The following CFAP221 variants were observed in gnomAD, a reference collection of about 807,000 sequenced individuals.
The protein encoded by CFAP221 is cilia and flagella associated protein 221.
CFAP221 carries 97 observed loss-of-function variants against 113.1 expected under a neutral mutation model. That is an observed-to-expected ratio of 0.86 (90% CI 0.73 to 1.02). The LOEUF (loss-of-function observed/expected upper bound fraction) is 1.02. Among genes scored for constraint, CFAP221 ranks in the 50% least tolerant of loss-of-function variants. The probability of loss-of-function intolerance (pLI) is 0.00; values close to 1 mark genes in which losing one functional copy is unlikely to be tolerated. For missense variants in CFAP221, 1,025 were observed against 1,013.4 expected (o/e 1.01, Z -0.16); for synonymous variants, 331 against 354.4 (o/e 0.93, Z 0.74).
At chr2:119,576,281 T>C (rs999756709) in intron 6 of CFAP221, among the ~76,000 whole-genome samples, 2 of 152,172 alleles carry the variant, frequency 1.3e-5, no homozygotes, top group Non-Finnish European at 2.9e-5. Flanking sequence ...ATTTTACAGA[T>C]CATTTCATTA....
intron 21 of CFAP221, among the ~76,000 whole-genome samples, chr2:119,640,074 A>T (rs1436913450): frequency 6.6e-6 from 1 of 152,244 alleles, no homozygotes; most frequent in Admixed American, 6.5e-5. Flanking sequence ...TTTGAAAAGT[A>T]ATGTCCTAGG....
chr2:119,625,875 A>G, intron 15 of CFAP221, 187 bp downstream of exon 15: 1 of 580,946 alleles, frequency 1.7e-6, no homozygotes, highest in Non-Finnish European at 3.1e-6. Context: ...AGACTAGGTT[A>G]GTCATCATTT....
chr2:119,608,466 T>C, intron 11 of CFAP221, 36 bp from the exon 12 acceptor site: 3 of 1,447,346 alleles, frequency 2.1e-6, no homozygotes, highest in Non-Finnish European at 9.3e-7. Flanking sequence ...GGTATTCTGA[T>C]GGGTTCTGGA....
chr2:119,592,858 T>TC (rs918086733), intron 7 of CFAP221, among the ~76,000 whole-genome samples: 2 of 152,234 alleles, frequency 1.3e-5, no homozygotes, highest in African/African-American at 4.8e-5. Context: ...GCTGAGTTGT[T>TC]CCCCACTGAA....
At chr2:119,589,973 G>T (rs1211173114) in intron 7 of CFAP221, 2 of 152,164 alleles carry the variant, frequency 1.3e-5, no homozygotes, top group Non-Finnish European at 2.9e-5. Context: ...CTGAAGAGAA[G>T]TATTGACCAA....
chr2:119,569,620 A>G (rs1008558298), intron 6 of CFAP221, among the ~76,000 whole-genome samples: 1 of 151,924 alleles, frequency 6.6e-6, no homozygotes, highest in Non-Finnish European at 1.5e-5. Context: ...CATTCCCATT[A>G]CATGTATAAT....
downstream of CFAP221, chr2:119,656,698 G>A (rs1193638513): frequency 5.6e-5 from 19 of 339,106 alleles, no homozygotes; most frequent in South Asian, 1.8e-4. Flanking sequence ...GTTTAGTGCC[G>A]GAATGCTTCT....
chr2:119,650,442 A>G (rs986628081), intron 22 of CFAP221, among the ~76,000 whole-genome samples: 1 of 152,214 alleles, frequency 6.6e-6, no homozygotes, highest in African/African-American at 2.4e-5. Flanking sequence ...CACTGGGGAG[A>G]TGTTCAGCAG....
chr2:119,567,078 A>AC (rs1368165822), intron 6 of CFAP221, among the ~76,000 whole-genome samples: 2 of 151,576 alleles, frequency 1.3e-5, no homozygotes, highest in Admixed American at 6.6e-5. Flanking sequence ...CTTATCAACA[A>AC]CCCCCACCCA....
chr2:119,550,805 G>A (rs1680366792), intron 3 of CFAP221, among the ~76,000 whole-genome samples: 1 of 152,110 alleles, frequency 6.6e-6, no homozygotes, highest in Admixed American at 6.5e-5. Context: ...AATTTTTAGT[G>A]TATTCTCAGA....
At chr2:119,589,150 C>T (rs1236295586) in intron 7 of CFAP221, among the ~76,000 whole-genome samples, 4 of 152,184 alleles carry the variant, frequency 2.6e-5, no homozygotes, top group African/African-American at 9.7e-5. Context: ...CCTTCAGCCT[C>T]CTCGGTAGCT....
chr2:119,599,416 T>G (rs995676051), intron 7 of CFAP221, among the ~76,000 whole-genome samples: 3 of 152,210 alleles, frequency 2.0e-5, no homozygotes, highest in Non-Finnish European at 4.4e-5. Context: ...CATTCACTCA[T>G]TCAACAAGAA....
intron 6 of CFAP221, among the ~76,000 whole-genome samples, chr2:119,582,480 G>A (rs1264515728): frequency 6.0e-5 from 9 of 149,006 alleles, no homozygotes; most frequent in Admixed American, 6.0e-4. Flanking sequence ...TTTTTGACAG[G>A]GCCTGTGCTC....
chr2:119,629,487 ACT>A (rs1686611476), intron 16 of CFAP221, among the ~76,000 whole-genome samples: 1 of 152,036 alleles, frequency 6.6e-6, no homozygotes, highest in African/African-American at 2.4e-5. Flanking sequence ...GGAGCGCTTG[ACT>A]CTGACTGATG....
intron 23 of CFAP221, among the ~76,000 whole-genome samples, chr2:119,654,814 C>T (rs866838079): frequency 2.6e-5 from 4 of 152,040 alleles, no homozygotes; most frequent in African/African-American, 4.8e-5. Flanking sequence ...TTTTTGTGAA[C>T]GAAAATTGTC....
intron 19 of CFAP221, among the ~76,000 whole-genome samples, chr2:119,632,000 G>A (rs1467531043): frequency 6.6e-6 from 1 of 152,170 alleles, no homozygotes; most frequent in Non-Finnish European, 1.5e-5. Flanking sequence ...ATCTGTTAAA[G>A]AAATTGAATT....
At chr2:119,628,292 GGGGTGTGTGTGTGT>G (rs1312831412) in intron 16 of CFAP221, among the ~76,000 whole-genome samples, 79 of 12,068 alleles carry the variant, frequency 6.5e-3, no homozygotes, top group Non-Finnish European at 0.018. Flanking sequence ...CTCTCTCTGG[GGGGTGTGTGTGTGT>G]GTGTGTGTGT....
At chr2:119,620,099 C>A (rs1294923122) in intron 14 of CFAP221, among the ~76,000 whole-genome samples, 1 of 152,112 alleles carries the variant, frequency 6.6e-6, no homozygotes, top group African/African-American at 2.4e-5. Flanking sequence ...TATGAAAAGA[C>A]CAAACCTACG....
chr2:119,582,409 C>G (rs921761396), intron 6 of CFAP221, among the ~76,000 whole-genome samples: 1 of 151,304 alleles, frequency 6.6e-6, no homozygotes, highest in Non-Finnish European at 1.5e-5. Context: ...GATAGAAATA[C>G]TAGGTATGTT....
Sources: gnomAD v4.1 joint callset for allele counts (sites outside exome capture counted in the v4.1 genomes callset) on GRCh38, gnomAD v4.1.1 for gene constraint, MANE v1.5 for transcripts, NCBI Gene and HGNC (gene_info 2026-07-23, HGNC 2026-07-21) for gene names.